The following ANKRD28 variants were observed in gnomAD, a reference collection of about 807,000 sequenced individuals.
The protein encoded by ANKRD28 is serine/threonine-protein phosphatase 6 regulatory ankyrin repeat subunit A.
A neutral mutation model predicts 126.5 loss-of-function variants in ANKRD28; 44 were observed. The observed-to-expected ratio is 0.35, with a 90% CI of 0.27 to 0.45. The LOEUF (loss-of-function observed/expected upper bound fraction) is 0.45, where lower values mean the gene tolerates loss of function less well. Ranked by LOEUF, ANKRD28 falls within the 20% of genes least tolerant of loss-of-function variation. ANKRD28 has a pLI of 1.00. For missense variants in ANKRD28, 1,110 were observed against 1,316.6 expected (o/e 0.84, Z 2.43); for synonymous variants, 442 against 468.5 (o/e 0.94, Z 0.73).
At chr3:15,674,133 C>T (rs1251497951) in intron 27 of ANKRD28, among the ~76,000 whole-genome samples, 1 of 121,080 alleles carries the variant, frequency 8.3e-6, no homozygotes, top group Non-Finnish European at 1.6e-5. Context: ...GATCTCACCA[C>T]TGTACTCTAG....
chr3:15,798,949 A>G (rs995091428), upstream of ANKRD28, among the ~76,000 whole-genome samples: 2 of 152,168 alleles, frequency 1.3e-5, no homozygotes, highest in African/African-American at 4.8e-5. Flanking sequence ...TATGTGCTGT[A>G]CATTCTCATT....
intron 3 of ANKRD28, among the ~76,000 whole-genome samples, chr3:15,759,857 G>A (rs544125201): frequency 6.7e-4 from 102 of 152,246 alleles, no homozygotes; most frequent in African/African-American, 2.4e-3. Flanking sequence ...TCTCTGCTGT[G>A]TCCTAAAATC....
intron 1 of ANKRD28, among the ~76,000 whole-genome samples, chr3:15,822,282 G>A (rs2060959585): frequency 6.6e-6 from 1 of 152,152 alleles, no homozygotes; most frequent in African/African-American, 2.4e-5. Context: ...GTTTGTTTTT[G>A]TTTGGGCTTT....
intron 12 of ANKRD28, among the ~76,000 whole-genome samples, chr3:15,710,276 GAT>G (rs376987073): frequency 1.1e-3 from 172 of 152,258 alleles, no homozygotes; most frequent in African/African-American, 4.1e-3. Context: ...TGGAGGAAAG[GAT>G]ATAACTTAAG....
Position 15,797,806 on chromosome 3 carries a change from T to C in ANKRD28, c.-1285A>G, listed in dbSNP as rs914243186. 5 of 985,430 alleles carry C rather than the reference T, an allele frequency of 5.1e-6. No individual in the cohort carries two copies. Among genetic ancestry groups the C allele is most frequent in the Non-Finnish European group, 6.0e-6 (5 of 829,926 alleles). The allele number at this position is 985,430 out of a possible 1,614,324, so 61.0% of individuals were successfully genotyped here. A position where few individuals can be genotyped will look rare whatever the true frequency, so the allele number is the denominator to read the frequency against. On this transcript the variant is annotated 5_prime_UTR_variant, in exon 1 of 28. Coordinates refer to ENST00000683139, the MANE Select transcript of ANKRD28 (RefSeq NM_001349278.2). ...ATGCTTTCCTGTTCCTCAGATGATC[T>C]TGCAAAACACCACTGACATCCCCAA...
rs78944848 is a variant in ANKRD28 at position 15,724,981 on chromosome 3, G to A, written c.641-457C>T. On this transcript the variant is annotated intron_variant, in intron 6 of 27. Coordinates refer to ENST00000683139, the MANE Select transcript of ANKRD28 (RefSeq NM_001349278.2). Reference sequence around the variant, plus strand: ...GGGCAATGGAGCGAGGCCTTATCTCGAAACAAAACAAGACAAAAAAATAGA... The same window carrying A: ...GGGCAATGGAGCGAGGCCTTATCTCAAAACAAAACAAGACAAAAAAATAGA... 8.6e-4 allele frequency among the ~76,000 whole-genome samples: 131 copies of A among 152,096 alleles called. 1 individual carries two copies. The East Asian group carries it at 0.023, about 26-fold the overall frequency.
intron 2 of ANKRD28, among the ~76,000 whole-genome samples, chr3:15,774,932 A>C (rs1351457344): frequency 2.0e-5 from 3 of 152,258 alleles, no homozygotes; most frequent in Admixed American, 2.0e-4. Flanking sequence ...GCTGGAGTGC[A>C]GCAGCACAAT....
intron 27 of ANKRD28, among the ~76,000 whole-genome samples, chr3:15,670,845 G>T (rs2066264238): frequency 6.6e-6 from 1 of 152,066 alleles, no homozygotes; most frequent in Non-Finnish European, 1.5e-5. Context: ...TGAATTCACA[G>T]AAAAAACTGG....
intron 2 of ANKRD28, among the ~76,000 whole-genome samples, chr3:15,793,640 A>C (rs777713162): frequency 6.6e-6 from 1 of 152,220 alleles, no homozygotes. Flanking sequence ...CAAAATAACA[A>C]GAAAACCTTA....
In ANKRD28 at chr3:15,839,372, CA is replaced by C. The variant is rs1323851952; in HGVS notation, c.27+20004del. The stretch of plus-strand genomic sequence containing the variant: ...AGGACCTTAGCTGTAGAAGACATAA[CA>C]AAAAACAACTGAATTACAGCTGGAG... On this transcript the variant is annotated intron_variant, in intron 1 of 27. Coordinates refer to the ANKRD28 transcript ENST00000399451. This position sits in a 1 kb window ranked among gnomAD's most constrained non-coding sequence, Gnocchi z 4.3. Among the ~76,000 whole-genome samples the C allele has an allele frequency of 6.6e-6, 1 of 151,592 alleles. No individual in the cohort carries two copies. Among genetic ancestry groups the C allele is most frequent in the Non-Finnish European group, 1.5e-5 (1 of 67,890 alleles).
intron 14 of ANKRD28, among the ~76,000 whole-genome samples, chr3:15,706,872 G>C (rs1386927276): frequency 6.6e-6 from 1 of 152,058 alleles, no homozygotes; most frequent in Non-Finnish European, 1.5e-5. Flanking sequence ...GTGTCTGTTG[G>C]CTGCATAAAT....
At chr3:15,857,378 G>A (rs1196452277) in intron 1 of ANKRD28, among the ~76,000 whole-genome samples, 2 of 152,134 alleles carry the variant, frequency 1.3e-5, no homozygotes, top group African/African-American at 4.8e-5. Flanking sequence ...TCTGTCTCCC[G>A]GGTTCAATCG....
At chr3:15,689,759 G>C (rs188633953) in intron 18 of ANKRD28, 3 of 316,370 alleles carry the variant, frequency 9.5e-6, no homozygotes, top group African/African-American at 4.3e-5. Context: ...TTTTGTGCTT[G>C]GTTTACTTGG....
intron 1 of ANKRD28, among the ~76,000 whole-genome samples, chr3:15,841,845 A>G (rs920655189): frequency 2.0e-5 from 3 of 152,152 alleles, no homozygotes; most frequent in African/African-American, 7.2e-5. Context: ...AAACTAGTAC[A>G]ACCACTAGGG....
At chr3:15,715,375 T>C (rs2072880525) in intron 8 of ANKRD28, among the ~76,000 whole-genome samples, 1 of 152,214 alleles carries the variant, frequency 6.6e-6, no homozygotes, top group Non-Finnish European at 1.5e-5. Flanking sequence ...AATGGAAATG[T>C]CACAAGTATT....
In ANKRD28 at chr3:15,853,828, A is replaced by G. The variant is rs757684522; in HGVS notation, c.27+5549T>C. Among the ~76,000 whole-genome samples, 17 of 152,142 alleles carry G rather than the reference A, an allele frequency of 1.1e-4. No homozygotes were observed. Among genetic ancestry groups the G allele is most frequent in the Admixed American group, 5.2e-4 (8 of 15,274 alleles). On this transcript the variant is annotated intron_variant, in intron 1 of 27. Coordinates refer to the ANKRD28 transcript ENST00000399451. The surrounding 1 kb of genome is among the most constrained non-coding windows in gnomAD (Gnocchi z 4.2). ...TGAATTTACCCTACTGGAACTATGT[A>G]TCCAAAAAATTACCAATTATCATAC...
intron 4 of ANKRD28, among the ~76,000 whole-genome samples, chr3:15,741,171 C>T (rs762652775): frequency 6.6e-6 from 1 of 151,662 alleles, no homozygotes; most frequent in Non-Finnish European, 1.5e-5. Flanking sequence ...TGCACTCCAG[C>T]TTGGGCGACA....
Position 15,846,800 on chromosome 3 carries a change from A to G in ANKRD28, c.27+12577T>C, listed in dbSNP as rs150157387. Among the ~76,000 whole-genome samples the G allele has an allele frequency of 2.1e-3, 320 of 152,302 alleles. No homozygotes were observed. Among genetic ancestry groups the G allele is most frequent in the African/African-American group, 7.3e-3 (304 of 41,566 alleles). On this transcript the variant is annotated intron_variant, in intron 1 of 27. Transcript: ENST00000399451. This position sits in a 1 kb window ranked among gnomAD's most constrained non-coding sequence, Gnocchi z 5.4. Reference sequence around the variant, plus strand: ...CAGTTCTCTTTGACCCCTCATTTCCAAAGTTGCTCTGGCAACCACCACCCA... The same window carrying G: ...CAGTTCTCTTTGACCCCTCATTTCCGAAGTTGCTCTGGCAACCACCACCCA...
intron 1 of ANKRD28, among the ~76,000 whole-genome samples, chr3:15,828,388 C>T (rs954530636): frequency 2.0e-5 from 3 of 152,052 alleles, no homozygotes; most frequent in Non-Finnish European, 2.9e-5. Flanking sequence ...TGAAGTTAAA[C>T]ACCTTACATG....
Sources: gnomAD v4.1 joint callset for allele counts (sites outside exome capture counted in the v4.1 genomes callset) on GRCh38, gnomAD v4.1.1 for gene constraint, Gnocchi (gnomAD v3.1) non-coding constraint, MANE v1.5 for transcripts, NCBI Gene and HGNC (gene_info 2026-07-23, HGNC 2026-07-21) for gene names.